DIAPH1: variants seen among roughly 807,000 people sequenced by gnomAD.
DIAPH1 encodes the protein diaphanous related formin 1, also known as protein diaphanous homolog 1.
DIAPH1 carries 46 observed loss-of-function variants against 140.7 expected under a neutral mutation model. The ratio of observed to expected loss-of-function variants is 0.33; its 90% CI spans 0.26 to 0.42. DIAPH1 has a LOEUF of 0.42. Ranked by LOEUF, DIAPH1 falls within the 10% of genes least tolerant of loss-of-function variation. DIAPH1 has a pLI of 1.00. For missense variants in DIAPH1, 1,310 were observed against 1,558.7 expected (o/e 0.84, Z 2.69); for synonymous variants, 565 against 551.6 (o/e 1.02, Z -0.34).
chr5:141,571,761 A>T, intron 17 of DIAPH1, 165 bp downstream of exon 17: 3 of 720,466 alleles, frequency 4.2e-6, no homozygotes, highest in Non-Finnish European at 7.6e-6. Flanking sequence ...CATAATATTT[A>T]ATACAAAAAC....
chr5:141,583,732 GGTCTTACTAC>G, intron 4 of DIAPH1, 117 bp from the exon 5 acceptor site: 1 of 1,418,210 alleles, frequency 7.1e-7, no homozygotes, highest in African/African-American at 1.4e-5. Flanking sequence ...GCAGAGACAA[GGTCTTACTAC>G]GTTGCCCAGG....
chr5:141,573,889 G>T lies in DIAPH1; in HGVS notation c.1961C>A (p.Pro654His). ...GCCAACACCCTCAGGCAAAGGAGGG[G>T]GTGGAGGGATGGTAGCATCCCCAGA... ...PLSGDATIPP[P>H]PPLPEGVGIP... is the part of the protein sequence containing the mutation. The change falls in exon 16 of 28, where the codon CCC becomes CAC. Residue 654 changes from proline (P) to histidine (H), a missense_variant. Pro to His is a moderately conservative substitution (Grantham distance 77). This residue lies in a region of DIAPH1 where 589 missense variants were observed against 549.3 expected (regional missense o/e 1.07). Coordinates refer to ENST00000389054, the MANE Select transcript of DIAPH1 (RefSeq NM_005219.5). 1 of 1,546,326 alleles carries T rather than the reference G, an allele frequency of 6.5e-7. No individual in the cohort carries two copies. The highest frequency in any genetic ancestry group is 8.7e-7 in the Non-Finnish European group (1 of 1,145,100).
At chr5:141,525,550 A>G (rs1474620445) in intron 26 of DIAPH1, among the ~76,000 whole-genome samples, 3 of 152,328 alleles carry the variant, frequency 2.0e-5, no homozygotes, top group South Asian at 2.1e-4. Flanking sequence ...CACCCGCTCC[A>G]AAAGTTCAAT....
intron 16 of DIAPH1, 42 bp from the exon 17 acceptor site, chr5:141,572,082 C>G: frequency 7.2e-7 from 1 of 1,386,454 alleles, no homozygotes; most frequent in Non-Finnish European, 1.0e-6. Flanking sequence ...TAAACTGAGC[C>G]CTGTACTTTC....
At chr5:141,598,520 AC>A (rs1293503558) in intron 1 of DIAPH1, among the ~76,000 whole-genome samples, 1 of 152,188 alleles carries the variant, frequency 6.6e-6, no homozygotes, top group Non-Finnish European at 1.5e-5. Context: ...TCTTCTCTGC[AC>A]TAAGACCATC....
chr5:141,569,138 T>C (rs1009869406), intron 18 of DIAPH1, among the ~76,000 whole-genome samples: 1 of 152,160 alleles, frequency 6.6e-6, no homozygotes. Context: ...TCTTGCAGCT[T>C]TTGTCTGGAT....
chr5:141,524,353 A>C, intron 26 of DIAPH1, 124 bp from the exon 27 acceptor site: 1 of 884,430 alleles, frequency 1.1e-6, no homozygotes, highest in Non-Finnish European at 1.9e-6. Flanking sequence ...CTGGCAGCTA[A>C]GAAGAGGCAA....
At chr5:141,597,896 G>A (rs191567710) in intron 1 of DIAPH1, among the ~76,000 whole-genome samples, 1 of 152,316 alleles carries the variant, frequency 6.6e-6, no homozygotes, top group Non-Finnish European at 1.5e-5. Flanking sequence ...AGACCCAGAG[G>A]TTGCATATGG....
intron 18 of DIAPH1, among the ~76,000 whole-genome samples, chr5:141,545,331 A>G (rs145255609): frequency 7.2e-5 from 11 of 152,356 alleles, no homozygotes; most frequent in Non-Finnish European, 1.5e-4. Flanking sequence ...AGGCCAATAC[A>G]GTAGGATAAA....
intron 1 of DIAPH1, among the ~76,000 whole-genome samples, chr5:141,613,298 G>A (rs893819514): frequency 1.3e-5 from 2 of 152,132 alleles, no homozygotes; most frequent in Non-Finnish European, 2.9e-5. Context: ...AACTGTTACA[G>A]AGCCAAGCAA....
chr5:141,577,448 A>T, intron 12 of DIAPH1, 27 bp downstream of exon 12: 1 of 1,499,526 alleles, frequency 6.7e-7, no homozygotes, highest in Non-Finnish European at 9.3e-7. Context: ...CTCAAATTCA[A>T]AACTTCTCAT....
At chr5:141,610,816 C>A (rs1343941080) in intron 1 of DIAPH1, among the ~76,000 whole-genome samples, 1 of 151,468 alleles carries the variant, frequency 6.6e-6, no homozygotes, top group Non-Finnish European at 1.5e-5. Flanking sequence ...TGACTCATGC[C>A]TTAATGCCAG....
chr5:141,526,493 G>GA, intron 24 of DIAPH1, 32 bp from the exon 25 acceptor site: 1 of 1,613,910 alleles, frequency 6.2e-7, no homozygotes, highest in Non-Finnish European at 8.5e-7. Flanking sequence ...CCAAGACCAA[G>GA]ACCAAGAAGC....
chr5:141,581,232 A>G (rs2099896708), intron 7 of DIAPH1, among the ~76,000 whole-genome samples: 2 of 152,162 alleles, frequency 1.3e-5, no homozygotes, highest in Non-Finnish European at 1.5e-5. Context: ...AGTGCCAAGG[A>G]TTGCCAACAA....
chr5:141,582,996 C>T (rs2099897006), intron 6 of DIAPH1, among the ~76,000 whole-genome samples: 1 of 152,172 alleles, frequency 6.6e-6, no homozygotes, highest in African/African-American at 2.4e-5. Context: ...TTGAACTTAT[C>T]CAACATGAAA....
intron 26 of DIAPH1, among the ~76,000 whole-genome samples, chr5:141,525,104 G>C (rs559973788): frequency 2.2e-4 from 33 of 152,298 alleles, no homozygotes; most frequent in African/African-American, 7.5e-4. Flanking sequence ...GAAGGTGAAG[G>C]ATACTTGGTG....
At position 141,525,670 on chromosome 5, in the gene DIAPH1, G is replaced by A. The variant is rs180761475; in HGVS notation, c.3574+368C>T. On this transcript the variant is annotated intron_variant, in intron 26 of 27. Transcript: ENST00000389054. The stretch of plus-strand genomic sequence containing the variant: ...GCCACAATTAAAAGATGGGAGGAGC[G>A]TCAGGAAAATATTTTACAGAAAAAA... Among the ~76,000 whole-genome samples, 557 of 152,228 alleles carry A rather than the reference G, an allele frequency of 3.7e-3. 1 individual carries two copies. The highest frequency in any genetic ancestry group is 5.1e-3 in the Non-Finnish European group (350 of 68,016).
chr5:141,616,755 A>G (rs1432498130), intron 1 of DIAPH1, among the ~76,000 whole-genome samples: 1 of 152,192 alleles, frequency 6.6e-6, no homozygotes, highest in African/African-American at 2.4e-5. Context: ...TCATTACCTG[A>G]GCTATTTAGT....
At chr5:141,572,502 G>A (rs922880034) in intron 16 of DIAPH1, among the ~76,000 whole-genome samples, 14 of 152,124 alleles carry the variant, frequency 9.2e-5, no homozygotes, top group Non-Finnish European at 1.2e-4. Flanking sequence ...TACTGTGCAT[G>A]CAAATATGGC....
Sources: allele counts gnomAD v4.1 joint callset (sites outside exome capture counted in the v4.1 genomes callset), GRCh38; gene constraint gnomAD v4.1.1; regional missense constraint gnomAD v4.1.1; transcripts MANE v1.5; gene names NCBI Gene and HGNC (gene_info 2026-07-23, HGNC 2026-07-21).